RASGRP3: variants seen among roughly 807,000 people sequenced by gnomAD.
RASGRP3 encodes ras guanyl-releasing protein 3.
Under a neutral mutation model 82.7 loss-of-function variants are expected in RASGRP3, and 54 were observed. The ratio of observed to expected loss-of-function variants is 0.65; its 90% CI spans 0.52 to 0.82. RASGRP3 has a LOEUF of 0.82. Ranked by LOEUF, RASGRP3 falls within the 40% of genes least tolerant of loss-of-function variation. RASGRP3 has a pLI of 0.00. For missense variants in RASGRP3, 861 were observed against 828.9 expected (o/e 1.04, Z -0.48); for synonymous variants, 309 against 300.5 (o/e 1.03, Z -0.29).
chr2:33,536,545 A>T (rs566940255), intron 11 of RASGRP3, among the ~76,000 whole-genome samples: 1 of 151,930 alleles, frequency 6.6e-6, no homozygotes, highest in Non-Finnish European at 1.5e-5. Context: ...GTTTTACTTT[A>T]GTTTATTTTC....
chr2:33,562,651 G>GA, intron 17 of RASGRP3, 78 bp from the exon 18 acceptor site: 4 of 1,529,548 alleles, frequency 2.6e-6, no homozygotes, highest in African/African-American at 1.4e-5. Flanking sequence ...AAAGTCATCT[G>GA]AAAAACTGCT....
chr2:33,558,734 G>A lies in RASGRP3; in HGVS notation c.1768G>A (p.Ala590Thr), dbSNP rs749596181. The A allele has an allele frequency of 7.4e-6, 12 of 1,613,946 alleles. No individual in the cohort carries two copies. The highest frequency in any genetic ancestry group is 9.3e-6 in the Non-Finnish European group (11 of 1,179,890). Reference protein sequence around the residue: ...TAGHRDLDSRAITLVTGSSRK... With the variant: ...TAGHRDLDSRTITLVTGSSRK... ...TGGACACAGGGATTTAGACAGCAGA[G>A]CCATCACACTGGTTACAGGCTCTTC... Residue 590 changes from alanine (A) to threonine (T), a missense_variant, in exon 17 of 18, where the codon GCC becomes ACC. Transcript: ENST00000403687.
chr2:33,459,088 G>T (rs1420260563), intron 2 of RASGRP3, among the ~76,000 whole-genome samples: 1 of 151,924 alleles, frequency 6.6e-6, no homozygotes, highest in Non-Finnish European at 1.5e-5. Context: ...AAATTTTAAT[G>T]CCTCTCATAT....
intron 2 of RASGRP3, among the ~76,000 whole-genome samples, chr2:33,464,485 A>C (rs1053165104): frequency 6.1e-5 from 9 of 146,446 alleles, no homozygotes; most frequent in African/African-American, 1.8e-4. Flanking sequence ...TTTTAAAAAA[A>C]AAAAAAAAGA....
intron 2 of RASGRP3, among the ~76,000 whole-genome samples, chr2:33,454,322 TTC>T (rs1218586310): frequency 4.6e-5 from 7 of 152,256 alleles, no homozygotes; most frequent in African/African-American, 1.7e-4. Context: ...ATCTATACTT[TTC>T]TCTGTTTGAT....
chr2:33,436,552 A>G (rs919651094), exon 1 of RASGRP3: 5 of 152,356 alleles, frequency 3.3e-5, no homozygotes, highest in African/African-American at 1.2e-4. Context: ...AGAAAAAGAC[A>G]ATTCACTATA....
At chr2:33,552,681 G>C (rs1675488091) in intron 14 of RASGRP3, among the ~76,000 whole-genome samples, 1 of 152,158 alleles carries the variant, frequency 6.6e-6, no homozygotes, top group South Asian at 2.1e-4. Context: ...AAGACAAACA[G>C]ACTTGCTCTG....
chr2:33,534,614 C>T (rs369818268), intron 11 of RASGRP3, among the ~76,000 whole-genome samples: 4 of 151,914 alleles, frequency 2.6e-5, no homozygotes, highest in East Asian at 3.9e-4. Flanking sequence ...CTGAAACCTC[C>T]GCCTCCTGGG....
At chr2:33,467,992 CTTTCTTTCTTTCTTTCTTTCT>C (rs1666810944) in intron 2 of RASGRP3, among the ~76,000 whole-genome samples, 1 of 53,384 alleles carries the variant, frequency 1.9e-5, no homozygotes, top group African/African-American at 1.1e-4. Context: ...TTCTTTCTTT[CTTTCTTTCTTTCTTTCTTTCT>C]TTCTTTCTTT....
chr2:33,478,104 C>T (rs1391648630), intron 1 of RASGRP3, among the ~76,000 whole-genome samples: 1 of 152,130 alleles, frequency 6.6e-6, no homozygotes, highest in Non-Finnish European at 1.5e-5. Context: ...GGCACTTCTG[C>T]GATCGAGTTT....
intron 1 of RASGRP3, among the ~76,000 whole-genome samples, chr2:33,501,231 A>G (rs1669846504): frequency 2.0e-5 from 3 of 152,228 alleles, no homozygotes; most frequent in South Asian, 4.1e-4. Flanking sequence ...AGGTTTATCT[A>G]TATTGCAGCA....
intron 1 of RASGRP3, among the ~76,000 whole-genome samples, chr2:33,442,014 G>A (rs1665250494): frequency 6.6e-6 from 1 of 152,050 alleles, no homozygotes; most frequent in Non-Finnish European, 1.5e-5. Flanking sequence ...TAAATGTTAA[G>A]TGAACATTTA....
intron 2 of RASGRP3, among the ~76,000 whole-genome samples, chr2:33,455,090 G>A (rs1366234306): frequency 1.3e-5 from 2 of 152,162 alleles, no homozygotes; most frequent in African/African-American, 2.4e-5. Flanking sequence ...TGTCATAGAT[G>A]TCAACTATAG....
Position 33,527,198 on chromosome 2 carries a change from C to G in RASGRP3, c.869C>G (p.Ala290Gly). 1.2e-6 allele frequency: 2 copies of G among 1,614,026 alleles called. No homozygotes were observed. The highest frequency in any genetic ancestry group is 2.2e-5 in the East Asian group (1 of 44,894). Residue 290 changes from alanine (A) to glycine (G), a missense_variant, in exon 10 of 18, where the codon GCC becomes GGC. Coordinates refer to ENST00000403687, the MANE Select transcript of RASGRP3 (RefSeq NM_001139488.2). ...SNGNYCNYRK[A>G]FADCDGFKIP... is the part of the protein sequence containing the mutation. ...GGCAATTACTGCAATTACCGCAAGG[C>G]CTTTGCCGACTGCGATGGCTTCAAA... is the stretch of plus-strand genomic sequence containing the variant.
intron 12 of RASGRP3, 36 bp from the exon 13 acceptor site, chr2:33,543,476 A>G (rs1008450755): frequency 7.4e-7 from 1 of 1,347,966 alleles, no homozygotes; most frequent in Non-Finnish European, 1.0e-6. Flanking sequence ...AGCCTGCCTT[A>G]TAGTCATTCA....
intron 2 of RASGRP3, among the ~76,000 whole-genome samples, chr2:33,449,541 C>CATG (rs748852601): frequency 8.5e-4 from 130 of 152,170 alleles, no homozygotes; most frequent in Non-Finnish European, 1.6e-3. Flanking sequence ...GGGGGCAGAC[C>CATG]ATGAGGTCAG....
At chr2:33,556,972 T>G (rs1371924903) in intron 15 of RASGRP3, among the ~76,000 whole-genome samples, 1 of 151,412 alleles carries the variant, frequency 6.6e-6, no homozygotes, top group East Asian at 1.9e-4. Flanking sequence ...TTGGATTATC[T>G]CTTGTATTTT....
rs1231872649 is a variant in RASGRP3, at chr2:33,525,720, A to AC, written c.807+1172_807+1173insC. ...TCTACAAAAAAAAAAAAAAAAAAAAAAAAAAAACTAGCCAGGTGTGGCAGT... is the reference window on the plus strand; with the variant it reads ...TCTACAAAAAAAAAAAAAAAAAAAAACAAAAAAACTAGCCAGGTGTGGCAGT... On this transcript the variant is annotated intron_variant, in intron 9 of 17. Coordinates refer to ENST00000403687, the MANE Select transcript of RASGRP3 (RefSeq NM_001139488.2). Among the ~76,000 whole-genome samples, 283 of 149,328 alleles carry AC rather than the reference A, an allele frequency of 1.9e-3. 1 individual carries two copies. Among genetic ancestry groups the AC allele is most frequent in the African/African-American group, 6.4e-3 (261 of 40,496 alleles).
At chr2:33,507,213 G>T (rs898405990) in intron 1 of RASGRP3, among the ~76,000 whole-genome samples, 3 of 152,164 alleles carry the variant, frequency 2.0e-5, no homozygotes, top group African/African-American at 7.2e-5. Flanking sequence ...TGGCCAACAT[G>T]GTGAAACCCC....
Sources: gnomAD v4.1 joint callset for allele counts (sites outside exome capture counted in the v4.1 genomes callset) on GRCh38, gnomAD v4.1.1 for gene constraint, MANE v1.5 for transcripts, NCBI Gene and HGNC (gene_info 2026-07-23, HGNC 2026-07-21) for gene names.